Variants in SMAD5 observed in about 807,000 individuals in gnomAD.
The protein encoded by SMAD5 is SMAD family member 5, also known as MAD, mothers against decapentaplegic homolog 5.
Under a neutral mutation model 43.1 loss-of-function variants are expected in SMAD5, and 9 were observed. The observed-to-expected ratio is 0.21, with a 90% CI of 0.13 to 0.36. SMAD5 has a LOEUF of 0.36. SMAD5 is among the 10% of genes least tolerant of loss of function. The probability of loss-of-function intolerance (pLI) is 1.00; values close to 1 mark genes in which losing one functional copy is unlikely to be tolerated. For missense variants in SMAD5, 348 were observed against 574.0 expected (o/e 0.61, Z 4.02); for synonymous variants, 190 against 192.4 (o/e 0.99, Z 0.10).
chr5:136,168,002 G>A (rs1266530470), intron 5 of SMAD5, among the ~76,000 whole-genome samples: 3 of 151,850 alleles, frequency 2.0e-5, no homozygotes, highest in South Asian at 2.1e-4. Context: ...CACCACACCC[G>A]GCTAATTTTT....
Position 136,153,780 on chromosome 5 carries a change from T to C in SMAD5, c.20T>C (p.Leu7Ser). Residue 7 changes from leucine to serine, a missense_variant, in exon 3 of 8, where the codon TTG (leucine) becomes TCG (serine). Transcript: ENST00000545279. ...TGTCAAATGACGTCAATGGCCAGCT[T>C]GTTTTCTTTTACTAGTCCAGCAGTA... MTSMAS[L>S]FSFTSPAVKR... 6.2e-7 allele frequency: 1 copy of C among 1,611,192 alleles called. No homozygotes were observed. The highest frequency in any genetic ancestry group is 8.5e-7 in the Non-Finnish European group (1 of 1,178,480).
chr5:136,162,941 T>TA (rs1246334809), intron 4 of SMAD5, among the ~76,000 whole-genome samples: 3 of 152,224 alleles, frequency 2.0e-5, no homozygotes, highest in Non-Finnish European at 4.4e-5. Flanking sequence ...TTCAGATTGA[T>TA]ATGTAATAGC....
At chr5:136,159,288 A>G (rs865896285) in intron 3 of SMAD5, among the ~76,000 whole-genome samples, 1 of 152,204 alleles carries the variant, frequency 6.6e-6, no homozygotes, top group African/African-American at 2.4e-5. Flanking sequence ...TAATAATAGC[A>G]ATATAAGCAT....
rs1754608820 is a variant in SMAD5 at position 136,181,039 on chromosome 5, CA to C, written c.*3560del. ...TATACAAAAAATGAAATTCTTCCAA[CA>C]GCAGAGAAACTCTAAAAAGTTTGAT... On this transcript the variant is annotated 3_prime_UTR_variant, in exon 8 of 8. Transcript: ENST00000545279. 2 of 152,082 alleles carry C rather than the reference CA, an allele frequency of 1.3e-5. No individual in the cohort carries two copies. The highest frequency in any genetic ancestry group is 2.9e-5 in the Non-Finnish European group (2 of 67,944). 9.4% of individuals were successfully genotyped at this position (152,082 alleles called of 1,614,324 possible). A position where few individuals can be genotyped will look rare whatever the true frequency, so the allele number is the denominator to read the frequency against.
At chr5:136,134,156 T>C (rs1752793121) in intron 1 of SMAD5, 1 of 152,342 alleles carries the variant, frequency 6.6e-6, no homozygotes, top group Non-Finnish European at 1.5e-5. Context: ...AGTTTTGATG[T>C]CTAGGTTTGT....
At chr5:136,166,288 T>C (rs762829407) in intron 5 of SMAD5, among the ~76,000 whole-genome samples, 1 of 152,120 alleles carries the variant, frequency 6.6e-6, no homozygotes, top group Non-Finnish European at 1.5e-5. Context: ...TTTAGAAATA[T>C]GTACTGCTAT....
Position 136,160,990 on chromosome 5 carries a change from C to T in SMAD5, c.538C>T (p.Pro180Ser). ...NATFPDSFHQ[P>S]NNTPFPLSPN... The stretch of plus-strand genomic sequence containing the variant: ...CACGTTTCCAGATTCTTTCCACCAG[C>T]CCAACAACACTCCTTTTCCCTTATC... The change falls in exon 4 of 8, where the codon CCC becomes TCC. Residue 180 changes from proline to serine, a missense_variant. Pro to Ser is a moderately conservative substitution (Grantham distance 74, BLOSUM62 -1). Around this residue, in one of 5 missense-constraint regions of SMAD5, gnomAD observed 185 missense variants for 207.0 expected, o/e 0.89. Transcript: ENST00000545279. The T allele has an allele frequency of 6.2e-7, 1 of 1,613,956 alleles. No individual in the cohort carries two copies. The highest frequency in any genetic ancestry group is 8.5e-7 in the Non-Finnish European group (1 of 1,179,878).
chr5:136,136,532 A>G (rs570348668), intron 1 of SMAD5, among the ~76,000 whole-genome samples: 1 of 152,292 alleles, frequency 6.6e-6, no homozygotes, highest in East Asian at 1.9e-4. Flanking sequence ...TTGTTTACTA[A>G]ATGGGAGGTA....
intron 5 of SMAD5, among the ~76,000 whole-genome samples, chr5:136,163,644 A>G (rs956420299): frequency 1.3e-5 from 2 of 152,092 alleles, no homozygotes; most frequent in African/African-American, 2.4e-5. Flanking sequence ...CCTCAGCTCC[A>G]CATACCCTCT....
At chr5:136,147,316 T>C (rs1297667223) in intron 1 of SMAD5, 1 of 151,852 alleles carries the variant, frequency 6.6e-6, no homozygotes, top group Non-Finnish European at 1.5e-5. Context: ...GATAGGTTGA[T>C]GACATACGTT....
chr5:136,172,434 A>T lies in SMAD5; in HGVS notation c.776A>T (p.Asp259Val). 1.9e-6 allele frequency: 3 copies of T among 1,578,320 alleles called. No homozygotes were observed. The highest frequency in any genetic ancestry group is 2.6e-6 in the Non-Finnish European group (3 of 1,149,968). Residue 259 changes from aspartate to valine, a missense_variant and splice_region_variant, in exon 6 of 8, where the codon GAT becomes GTT. Transcript: ENST00000545279. ...CTTTCTGTGTCTGGTTTGTTCACAG[A>T]TGTTCAGCCTGTTGCCTATGAAGAG... is the stretch of plus-strand genomic sequence containing the variant. ...PQIMPSISSR[D>V]VQPVAYEEPK...
intron 1 of SMAD5, among the ~76,000 whole-genome samples, chr5:136,142,966 G>A (rs183333853): frequency 1.3e-5 from 2 of 151,998 alleles, no homozygotes; most frequent in South Asian, 4.1e-4. Context: ...TACACTAGTG[G>A]GCACCCGGTA....
At chr5:136,165,488 A>G (rs2149776090) in intron 5 of SMAD5, among the ~76,000 whole-genome samples, 1 of 151,986 alleles carries the variant, frequency 6.6e-6, no homozygotes, top group South Asian at 2.1e-4. Flanking sequence ...ATGTTGTGTG[A>G]CCATCACCAC....
chr5:136,148,353 G>A (rs1753336319), intron 2 of SMAD5, among the ~76,000 whole-genome samples: 1 of 151,040 alleles, frequency 6.6e-6, no homozygotes, highest in Non-Finnish European at 1.5e-5. Context: ...CCCTCCTCCC[G>A]AACAAAGAAT....
chr5:136,168,710 C>G (rs574553633), intron 5 of SMAD5, among the ~76,000 whole-genome samples: 1 of 152,314 alleles, frequency 6.6e-6, no homozygotes, highest in East Asian at 1.9e-4. Flanking sequence ...TCTCTGTGCT[C>G]TGCCTGTTCA....
intron 7 of SMAD5, 96 bp from the exon 8 acceptor site, chr5:136,177,241 T>C: frequency 3.0e-6 from 3 of 1,004,088 alleles, no homozygotes; most frequent in South Asian, 2.7e-5. Context: ...TACATATCTC[T>C]ACTGTTAAAA....
intron 5 of SMAD5, among the ~76,000 whole-genome samples, chr5:136,170,429 C>G (rs1035151759): frequency 1.3e-5 from 2 of 152,044 alleles, no homozygotes; most frequent in African/African-American, 4.8e-5. Context: ...CTCTATTCTG[C>G]TCCTTTGATC....
At chr5:136,144,652 G>C (rs961662399) in intron 1 of SMAD5, among the ~76,000 whole-genome samples, 1 of 150,720 alleles carries the variant, frequency 6.6e-6, no homozygotes, top group Non-Finnish European at 1.5e-5. Context: ...ATTCCCACTG[G>C]TGTACTTTAG....
chr5:136,163,121 T>G lies in SMAD5; in HGVS notation c.656-151T>G, dbSNP rs1364317131. On this transcript the variant is annotated intron_variant, in intron 4 of 7. Transcript: ENST00000545279. ...CCATTAGGTGTGCTGTCTGTTCTCC[T>G]TTTCCCTTGCCCTAGGATAGTATCC... The G allele has an allele frequency of 5.7e-6, 3 of 527,040 alleles. No individual in the cohort carries two copies. The African/African-American group carries it at 5.9e-5, about 10-fold the overall frequency. The allele number at this position is 527,040 out of a possible 1,614,324, so 32.6% of individuals were successfully genotyped here.
Sources: allele counts gnomAD v4.1 joint callset (sites outside exome capture counted in the v4.1 genomes callset), GRCh38; gene constraint gnomAD v4.1.1; regional missense constraint gnomAD v4.1.1; transcripts MANE v1.5; gene names NCBI Gene and HGNC (gene_info 2026-07-23, HGNC 2026-07-21).